BIRC6: variants seen among roughly 807,000 people sequenced by gnomAD.
BIRC6 encodes baculoviral IAP repeat containing 6.
A neutral mutation model predicts 503.3 loss-of-function variants in BIRC6; 98 were observed. The observed-to-expected ratio is 0.19, with a 90% CI of 0.17 to 0.23. The LOEUF (loss-of-function observed/expected upper bound fraction) is 0.23. Among genes scored for constraint, BIRC6 ranks in the 10% least tolerant of loss-of-function variants. The pLI, the probability that BIRC6 is intolerant of heterozygous loss-of-function variation, is 1.00. For synonymous variants in BIRC6, 2,240 were observed against 2,078.7 expected (o/e 1.08, Z -2.11); for missense variants, 5,360 against 5,806.0 (o/e 0.92, Z 2.50).
At chr2:32,381,919 G>A (rs2037719460) in intron 3 of BIRC6, among the ~76,000 whole-genome samples, 1 of 151,674 alleles carries the variant, frequency 6.6e-6, no homozygotes, top group Non-Finnish European at 1.5e-5. Flanking sequence ...GTTCTTCTTA[G>A]TAGTTGCATT....
intron 37 of BIRC6, among the ~76,000 whole-genome samples, chr2:32,480,172 T>A (rs1457971712): frequency 6.6e-6 from 1 of 152,212 alleles, no homozygotes; most frequent in Non-Finnish European, 1.5e-5. Flanking sequence ...ATATTCTCTT[T>A]ATCTGGAGTA....
chr2:32,463,045 T>C (rs2048174511), intron 23 of BIRC6, 149 bp from the exon 24 acceptor site: 8 of 588,140 alleles, frequency 1.4e-5, no homozygotes, highest in Non-Finnish European at 1.7e-5. Flanking sequence ...GTTTCCTTAT[T>C]TATACTTTCC....
At chr2:32,364,692 A>G (rs1304962538) in intron 1 of BIRC6, among the ~76,000 whole-genome samples, 1 of 150,562 alleles carries the variant, frequency 6.6e-6, no homozygotes, top group Admixed American at 6.6e-5. Flanking sequence ...AGAAATTTGT[A>G]TGTGGTCATA....
intron 50 of BIRC6, among the ~76,000 whole-genome samples, chr2:32,505,573 A>G (rs1180992753): frequency 6.6e-6 from 1 of 152,188 alleles, no homozygotes; most frequent in Non-Finnish European, 1.5e-5. Context: ...GTAATGTGAA[A>G]TTAGCATAGA....
At chr2:32,472,097 C>CGTTCTGTGGCCCAGGTTGAA (rs2049172951) in intron 32 of BIRC6, among the ~76,000 whole-genome samples, 1 of 152,184 alleles carries the variant, frequency 6.6e-6, no homozygotes, top group African/African-American at 2.4e-5. Flanking sequence ...AGTCTTGTCT[C>CGTTCTGTGGCCCAGGTTGAA]GTTCTGTGGC....
At chr2:32,460,998 C>CTCCTCT (rs1250172530) in intron 23 of BIRC6, among the ~76,000 whole-genome samples, 109 of 88,736 alleles carry the variant, frequency 1.2e-3, no homozygotes, top group African/African-American at 4.0e-3. Flanking sequence ...CTCTGCTCTG[C>CTCCTCT]TCTCTTCTCT....
Position 32,545,746 on chromosome 2 carries a change from A to G in BIRC6, c.12696A>G (p.Val4232=), listed in dbSNP as rs2150325193. 6.2e-7 allele frequency: 1 copy of G among 1,613,866 alleles called. No individual in the cohort carries two copies. The change falls in exon 63 of 74, where the codon GTA becomes GTG. Residue 4232 remains valine, a synonymous_variant. Transcript: ENST00000421745. ...STTPLTTDDG[V]LLRRMALEIG... The stretch of plus-strand genomic sequence containing the variant: ...CACCTTTGACAACTGATGATGGTGT[A>G]CTTCTAAGGCGGATGGCATTGGAAA...
chr2:32,440,751 T>TTATTATTATTA (rs1553429507), intron 16 of BIRC6, among the ~76,000 whole-genome samples: 7 of 147,180 alleles, frequency 4.8e-5, no homozygotes, highest in Admixed American at 1.4e-4. Flanking sequence ...TGTTTATTTA[T>TTATTATTATTA]TTATTATTAT....
intron 19 of BIRC6, 105 bp from the exon 20 acceptor site, chr2:32,443,386 G>T: frequency 1.8e-5 from 12 of 675,318 alleles, no homozygotes; most frequent in South Asian, 4.5e-5. Context: ...TCTTTTAATC[G>T]GTATAGAATA....
chr2:32,399,245 C>T (rs1249816996), intron 6 of BIRC6, among the ~76,000 whole-genome samples: 1 of 152,082 alleles, frequency 6.6e-6, no homozygotes, highest in Admixed American at 6.6e-5. Flanking sequence ...GCCACAATGC[C>T]TAGCTAATAT....
intron 57 of BIRC6, among the ~76,000 whole-genome samples, chr2:32,521,540 C>A (rs1211671454): frequency 6.6e-6 from 1 of 151,838 alleles, no homozygotes; most frequent in Non-Finnish European, 1.5e-5. Flanking sequence ...GCGATCTCGG[C>A]TCACTGCAAC....
At chr2:32,541,068 A>G (rs1211477099) in intron 61 of BIRC6, among the ~76,000 whole-genome samples, 1 of 151,926 alleles carries the variant, frequency 6.6e-6, no homozygotes, top group Non-Finnish European at 1.5e-5. Context: ...CTTTCATTGT[A>G]TTTGTTTTGT....
At chr2:32,543,983 G>A (rs919729252) in intron 62 of BIRC6, among the ~76,000 whole-genome samples, 1 of 152,212 alleles carries the variant, frequency 6.6e-6, no homozygotes, top group Non-Finnish European at 1.5e-5. Flanking sequence ...AAGTGGCATG[G>A]TAGTTTTTAG....
In BIRC6 at chr2:32,467,700, T is replaced by G; in HGVS notation, c.5532T>G (p.Leu1844=). Residue 1844 remains leucine (L), a synonymous_variant, in exon 27 of 74, where the codon CTT becomes CTG. Coordinates refer to ENST00000421745, the MANE Select transcript of BIRC6 (RefSeq NM_016252.4). ...ATDISTHSLI[L]HDLIPPPVCR... Reference sequence around the variant, plus strand: ...ATATAAGCACTCATTCACTAATTCTTCATGACTTAATACCACCTCCCGTGT... The same window carrying G: ...ATATAAGCACTCATTCACTAATTCTGCATGACTTAATACCACCTCCCGTGT... 6.2e-7 allele frequency: 1 copy of G among 1,613,844 alleles called. No homozygotes were observed. Among genetic ancestry groups the G allele is most frequent in the Non-Finnish European group, 8.5e-7 (1 of 1,179,826 alleles).
At chr2:32,544,971 A>G (rs2057955375) in intron 62 of BIRC6, among the ~76,000 whole-genome samples, 2 of 152,068 alleles carry the variant, frequency 1.3e-5, no homozygotes, top group Admixed American at 1.3e-4. Context: ...TGATAAAGAC[A>G]TAGAATGTGT....
chr2:32,500,087 C>T lies in BIRC6; in HGVS notation c.9009C>T (p.Ser3003=). ...TGTCTGCTCTGGGCCTGTGTAATAG[C>T]AGTGCCATGGCAATGATAATTGGTA... ...QILSALGLCN[S]SAMAMIIGAS... Residue 3003 remains serine, a synonymous_variant, in exon 46 of 74, where the codon AGC becomes AGT. Coordinates refer to ENST00000421745, the MANE Select transcript of BIRC6 (RefSeq NM_016252.4). The T allele has an allele frequency of 1.2e-6, 2 of 1,611,152 alleles. No homozygotes were observed. The highest frequency in any genetic ancestry group is 1.7e-5 in the Admixed American group (1 of 59,690).
At chr2:32,538,124 G>A (rs1181570814) in intron 61 of BIRC6, among the ~76,000 whole-genome samples, 1 of 152,118 alleles carries the variant, frequency 6.6e-6, no homozygotes, top group Non-Finnish European at 1.5e-5. Context: ...CTCAGTCTTT[G>A]TGGGGTGGGA....
intron 72 of BIRC6, among the ~76,000 whole-genome samples, chr2:32,611,108 C>CTTTTTTTTTTTTTTT (rs1245765148): frequency 5.5e-5 from 7 of 126,166 alleles, no homozygotes; most frequent in Admixed American, 2.5e-4. Context: ...ATTAAATTGC[C>CTTTTTTTTTTTTTTT]TTTTTTTTTT....
At chr2:32,557,527 T>C (rs1572994005) in intron 65 of BIRC6, 1 of 152,352 alleles carries the variant, frequency 6.6e-6, no homozygotes, top group East Asian at 1.9e-4. Flanking sequence ...CTGTTTGCTT[T>C]GTTATAATTT....
Sources: gnomAD v4.1 joint callset for allele counts (sites outside exome capture counted in the v4.1 genomes callset) on GRCh38, gnomAD v4.1.1 for gene constraint, MANE v1.5 for transcripts, NCBI Gene and HGNC (gene_info 2026-07-23, HGNC 2026-07-21) for gene names.